The following PTPRM variants were observed in gnomAD, a reference collection of about 807,000 sequenced individuals.
The protein encoded by PTPRM is protein tyrosine phosphatase receptor type M, also known as receptor-type tyrosine-protein phosphatase mu.
PTPRM carries 47 observed loss-of-function variants against 186.7 expected under a neutral mutation model. The observed-to-expected ratio is 0.25, with a 90% CI of 0.20 to 0.32. The LOEUF (loss-of-function observed/expected upper bound fraction) is 0.32. Ranked by LOEUF, PTPRM falls within the 10% of genes least tolerant of loss-of-function variation. The pLI, the probability that PTPRM is intolerant of heterozygous loss-of-function variation, is 1.00. For synonymous variants in PTPRM, 668 were observed against 674.9 expected, an observed-to-expected ratio of 0.99 and a Z score of 0.16; for missense variants, 1,494 against 1,865.0, an observed-to-expected ratio of 0.80 and a Z score of 3.66.
chr18:7,607,889 G>A (rs2037574280), intron 1 of PTPRM, among the ~76,000 whole-genome samples: 1 of 152,224 alleles, frequency 6.6e-6, no homozygotes, highest in Non-Finnish European at 1.5e-5. Context: ...AATCCCGAAT[G>A]GTGTAGGGGG....
intron 1 of PTPRM, among the ~76,000 whole-genome samples, chr18:7,654,660 C>T (rs987063301): frequency 2.0e-5 from 3 of 152,202 alleles, no homozygotes; most frequent in African/African-American, 7.2e-5. Flanking sequence ...TTTCAATCTT[C>T]TGCATATGGC....
chr18:8,332,710 A>C (rs934747348), intron 22 of PTPRM, among the ~76,000 whole-genome samples: 2 of 152,224 alleles, frequency 1.3e-5, no homozygotes, highest in Admixed American at 1.3e-4. Context: ...CGCCAACCAG[A>C]GAGGGCCAGG....
intron 5 of PTPRM, among the ~76,000 whole-genome samples, chr18:7,933,554 G>T (rs1266219620): frequency 6.6e-6 from 1 of 152,094 alleles, no homozygotes; most frequent in East Asian, 1.9e-4. Flanking sequence ...GGAACAGGGG[G>T]GACTGCTATA....
At chr18:8,390,619 G>A (rs1024717907) in intron 31 of PTPRM, among the ~76,000 whole-genome samples, 8 of 152,162 alleles carry the variant, frequency 5.3e-5, no homozygotes, top group African/African-American at 1.9e-4. Flanking sequence ...AACTTGACAG[G>A]TACTTCACTG....
chr18:8,121,925 T>C (rs912957216), intron 13 of PTPRM: 4 of 152,308 alleles, frequency 2.6e-5, no homozygotes, highest in South Asian at 4.2e-4. Flanking sequence ...TTCACCTTTA[T>C]TTAGGATGAA....
intron 7 of PTPRM, among the ~76,000 whole-genome samples, chr18:8,067,285 C>G (rs16952804): frequency 0.031 from 4,698 of 152,148 alleles, 238 homozygotes; most frequent in African/African-American, 0.11. Flanking sequence ...TTTTTATGAA[C>G]ATTCAACTAA....
At chr18:7,738,442 G>T (rs1225342609) in intron 1 of PTPRM, among the ~76,000 whole-genome samples, 3 of 146,386 alleles carry the variant, frequency 2.0e-5, no homozygotes, top group Non-Finnish European at 3.0e-5. Context: ...TCAACTTTTG[G>T]TTTTTTTTTT....
At chr18:7,800,815 T>C (rs2043920889) in intron 2 of PTPRM, among the ~76,000 whole-genome samples, 1 of 152,218 alleles carries the variant, frequency 6.6e-6, no homozygotes, top group South Asian at 2.1e-4. Flanking sequence ...CTATTGCTCC[T>C]GGGTTACAAA....
intron 1 of PTPRM, among the ~76,000 whole-genome samples, chr18:7,582,002 A>G (rs1292940278): frequency 6.6e-6 from 1 of 152,206 alleles, no homozygotes; most frequent in Non-Finnish European, 1.5e-5. Flanking sequence ...TTGGCTAAGC[A>G]AATTTTACAT....
At chr18:8,243,292 G>A (rs2094448778) in intron 14 of PTPRM, among the ~76,000 whole-genome samples, 1 of 152,112 alleles carries the variant, frequency 6.6e-6, no homozygotes, top group African/African-American at 2.4e-5. Flanking sequence ...CTCTTCCACT[G>A]AAAGAGGGAA....
intron 19 of PTPRM, among the ~76,000 whole-genome samples, chr18:8,290,521 G>T (rs975680944): frequency 3.3e-5 from 5 of 151,936 alleles, no homozygotes; most frequent in Non-Finnish European, 7.4e-5. Flanking sequence ...AATGGTGGCG[G>T]TATGAGGGGT....
At position 7,994,438 on chromosome 18, in the gene PTPRM, A is replaced by C. The variant is rs141121592; in HGVS notation, c.1132+39024A>C. ...TAGATAACCTAGATAGAAAATCAAC[A>C]AAGAAATATTGGACTTAAACTACCC... is the stretch of plus-strand genomic sequence containing the variant. On this transcript the variant is annotated intron_variant, in intron 7 of 32. Coordinates refer to ENST00000580170, the MANE Select transcript of PTPRM (RefSeq NM_001105244.2). Among the ~76,000 whole-genome samples the C allele has an allele frequency of 2.2e-3, 331 of 152,270 alleles. 4 individuals carry two copies. Among genetic ancestry groups the C allele is most frequent in the African/African-American group, 7.6e-3 (316 of 41,562 alleles).
In PTPRM at chr18:8,054,298, A is replaced by ATATATATATATATATATAT. The variant is rs1555710874; in HGVS notation, c.1133-15388_1133-15387insTATATATATATATATATAT. On this transcript the variant is annotated intron_variant, in intron 7 of 32. Coordinates refer to ENST00000580170, the MANE Select transcript of PTPRM (RefSeq NM_001105244.2). The stretch of plus-strand genomic sequence containing the variant: ...AGTAGTAATATATACTAGTAGTAGT[A>ATATATATATATATATATAT]ATATATATATATATATATATATATT... Among the ~76,000 whole-genome samples the ATATATATATATATATATAT allele has an allele frequency of 1.7e-4, 23 of 131,680 alleles. 1 individual carries two copies. Among genetic ancestry groups the ATATATATATATATATATAT allele is most frequent in the African/African-American group, 7.5e-4 (23 of 30,782 alleles). The allele number at this position is 131,680 out of a possible 152,430, so 86.4% of individuals were successfully genotyped here. A position where few individuals can be genotyped will look rare whatever the true frequency, so the allele number is the denominator to read the frequency against.
At position 8,374,520 on chromosome 18, in the gene PTPRM, T is replaced by G. The variant is rs540936117; in HGVS notation, c.3172-1526T>G. Among the ~76,000 whole-genome samples the G allele has an allele frequency of 1.3e-5, 2 of 152,314 alleles. 1 individual carries two copies. The highest frequency in any genetic ancestry group is 4.2e-4 in the South Asian group (2 of 4,818). On this transcript the variant is annotated intron_variant, in intron 24 of 32. Transcript: ENST00000580170. ...TAGGGGTTTTGAGGGTGACACAGCC[T>G]CAGCTGTATGTTTTCTAAGGGAGAC...
At chr18:7,660,197 A>G (rs1490414873) in intron 1 of PTPRM, among the ~76,000 whole-genome samples, 2 of 152,090 alleles carry the variant, frequency 1.3e-5, no homozygotes, top group Non-Finnish European at 2.9e-5. Flanking sequence ...ATCAGCTGGC[A>G]TGGTGGCGCA....
rs1469772876 is a variant in PTPRM, at chr18:8,245,184, C to T, written c.2452+975C>T. ...ACTGCAGCTCCCCTCCACTCCTCCT[C>T]TTCCAGATCACAGTGTGGTCAATGC... On this transcript the variant is annotated intron_variant, in intron 15 of 32. Coordinates refer to ENST00000580170, the MANE Select transcript of PTPRM (RefSeq NM_001105244.2). Among the ~76,000 whole-genome samples, 9 of 152,320 alleles carry T rather than the reference C, an allele frequency of 5.9e-5. No individual in the cohort carries two copies. In the South Asian group the frequency reaches 1.9e-3, roughly 32 times the overall value.
At chr18:8,086,525 A>AT (rs939195436) in intron 10 of PTPRM, among the ~76,000 whole-genome samples, 8 of 151,950 alleles carry the variant, frequency 5.3e-5, no homozygotes, top group African/African-American at 1.9e-4. Context: ...TTGCATGAAT[A>AT]TTTTTTCCCA....
chr18:7,626,404 A>G (rs2038064017), intron 1 of PTPRM, among the ~76,000 whole-genome samples: 1 of 152,186 alleles, frequency 6.6e-6, no homozygotes, highest in Non-Finnish European at 1.5e-5. Context: ...AATATTTTCC[A>G]TTTCATAATC....
chr18:7,732,452 G>A (rs552001677), intron 1 of PTPRM, among the ~76,000 whole-genome samples: 25 of 152,226 alleles, frequency 1.6e-4, no homozygotes, highest in Admixed American at 5.2e-4. Flanking sequence ...AATCAGGATT[G>A]TGTTACTTTA....
Sources: allele counts gnomAD v4.1 joint callset (sites outside exome capture counted in the v4.1 genomes callset), GRCh38; gene constraint gnomAD v4.1.1; transcripts MANE v1.5; gene names NCBI Gene and HGNC (gene_info 2026-07-23, HGNC 2026-07-21).